ZNF215: variants seen among roughly 807,000 people sequenced by gnomAD.
ZNF215 encodes the protein BWSCR2-associated zinc finger protein 2.
Under a neutral mutation model 27.2 loss-of-function variants are expected in ZNF215, and 24 were observed. That is an observed-to-expected ratio of 0.88 (90% CI 0.64 to 1.24). The LOEUF (loss-of-function observed/expected upper bound fraction) is 1.24, where lower values mean the gene tolerates loss of function less well. Among genes scored for constraint, ZNF215 ranks in the 50% most tolerant of loss-of-function variants. The pLI is 0.00. For synonymous variants in ZNF215, 210 were observed against 204.0 expected (o/e 1.03, Z -0.25); for missense variants, 675 against 605.7 (o/e 1.11, Z -1.20).
chr11:6,943,294 G>T, intron 5 of ZNF215, 79 bp downstream of exon 5: 1 of 1,527,048 alleles, frequency 6.5e-7, no homozygotes, highest in Non-Finnish European at 8.8e-7. Context: ...TGCTGAAGTG[G>T]CTAAGTTCAC....
intron 3 of ZNF215, among the ~76,000 whole-genome samples, chr11:6,936,154 G>T (rs943217733): frequency 2.6e-5 from 4 of 151,824 alleles, no homozygotes; most frequent in African/African-American, 9.7e-5. Flanking sequence ...ATAAATATTA[G>T]AACAAAGATA....
At chr11:6,986,836 A>G (rs2857910), downstream of ZNF215, among the ~76,000 whole-genome samples, 47,314 of 141,930 alleles carry the variant, frequency 0.33, 7,638 homozygotes, top group African/African-American at 0.37. Context: ...TTTTGTTAAA[A>G]AGTCAAAAAC....
At chr11:6,936,027 ACATAC>A (rs1849425122) in intron 3 of ZNF215, among the ~76,000 whole-genome samples, 1 of 152,120 alleles carries the variant, frequency 6.6e-6, no homozygotes, top group Non-Finnish European at 1.5e-5. Flanking sequence ...AAAACTTATG[ACATAC>A]AGTGAAGGCA....
At chr11:6,967,808 C>G (rs894395081) in intron 5 of ZNF215, among the ~76,000 whole-genome samples, 1 of 152,112 alleles carries the variant, frequency 6.6e-6, no homozygotes, top group African/African-American at 2.4e-5. Context: ...CCCAATTTGT[C>G]TATTTTGGCT....
In ZNF215 at chr11:6,956,965, T is replaced by C. The variant is rs1850384518; in HGVS notation, c.*434T>C. On this transcript the variant is annotated 3_prime_UTR_variant, in exon 7 of 7. Coordinates refer to ENST00000278319, the MANE Select transcript of ZNF215 (RefSeq NM_013250.4). Reference sequence around the variant, plus strand: ...AAGAAGGTCACAAGAAATCATTAGCTCATGCGAATATAAGAGAATACTTCT... The same window carrying C: ...AAGAAGGTCACAAGAAATCATTAGCCCATGCGAATATAAGAGAATACTTCT... 1.0e-6 allele frequency: 1 copy of C among 990,142 alleles called. No homozygotes were observed. Among genetic ancestry groups the C allele is most frequent in the Non-Finnish European group, 1.2e-6 (1 of 832,730 alleles). The allele number at this position is 990,142 out of a possible 1,614,324, so 61.3% of individuals were successfully genotyped here.
At chr11:6,990,196 A>G (rs1276619966), downstream of ZNF215, among the ~76,000 whole-genome samples, 1 of 152,138 alleles carries the variant, frequency 6.6e-6, no homozygotes, top group African/African-American at 2.4e-5. Context: ...ATTGGTCTCC[A>G]TGTGTATCAG....
intron 6 of ZNF215, among the ~76,000 whole-genome samples, chr11:6,951,926 A>G (rs1230798351): frequency 6.6e-6 from 1 of 152,096 alleles, no homozygotes; most frequent in Non-Finnish European, 1.5e-5. Flanking sequence ...AGATTCTGGT[A>G]TGTTGTGTCT....
At chr11:6,975,474 T>C (rs1423276434) in intron 5 of ZNF215, among the ~76,000 whole-genome samples, 1 of 150,432 alleles carries the variant, frequency 6.6e-6, no homozygotes, top group African/African-American at 2.4e-5. Context: ...ATTATTCTAT[T>C]TTTTTTTTGT....
rs1030518300 is a variant in ZNF215, at chr11:6,952,768, C to G, written c.713-2922C>G. Among the ~76,000 whole-genome samples, 58 of 152,178 alleles carry G rather than the reference C, an allele frequency of 3.8e-4. 1 individual carries two copies. The highest frequency in any genetic ancestry group is 5.4e-4 in the Non-Finnish European group (37 of 68,014). On this transcript the variant is annotated intron_variant, in intron 6 of 6. Coordinates refer to ENST00000278319, the MANE Select transcript of ZNF215 (RefSeq NM_013250.4). ...TAATATTGTTATGTGTGAGTTTGATCCTATCATTATGATGTTAGCTGGTTA... is the reference window on the plus strand; with the variant it reads ...TAATATTGTTATGTGTGAGTTTGATGCTATCATTATGATGTTAGCTGGTTA...
chr11:6,943,805 C>T (rs1195953739), intron 6 of ZNF215, among the ~76,000 whole-genome samples, 164 bp downstream of exon 6: 1 of 152,128 alleles, frequency 6.6e-6, no homozygotes, highest in South Asian at 2.1e-4. Context: ...GGTTCTTTTT[C>T]TTATGTGGTA....
chr11:6,955,946 G>A lies in ZNF215; in HGVS notation c.969G>A (p.Val323=), dbSNP rs770043330. The change falls in exon 7 of 7, where the codon GTG becomes GTA. Residue 323 remains valine (V), a synonymous_variant. Transcript: ENST00000278319. ...NSVSSICAIQ[V]GIPSRKGSPK... is the part of the protein sequence containing the mutation. ...TTAGCTCAATTTGTGCTATACAAGT[G>A]GGAATTCCTTCAAGAAAGGGGTCTC... The A allele has an allele frequency of 8.1e-6, 13 of 1,612,914 alleles. No homozygotes were observed. The highest frequency in any genetic ancestry group is 1.1e-5 in the South Asian group (1 of 90,672).
chr11:6,978,861 A>C (rs1850886546), intron 5 of ZNF215, among the ~76,000 whole-genome samples: 1 of 152,128 alleles, frequency 6.6e-6, no homozygotes, highest in South Asian at 2.1e-4. Context: ...TATATACTTA[A>C]TTTTAAAACA....
Position 6,956,960 on chromosome 11 carries a change from T to C in ZNF215, c.*429T>C. On this transcript the variant is annotated 3_prime_UTR_variant, in exon 7 of 7. Coordinates refer to ENST00000278319, the MANE Select transcript of ZNF215 (RefSeq NM_013250.4). ...CTTTTAAGAAGGTCACAAGAAATCATTAGCTCATGCGAATATAAGAGAATA... is the reference window on the plus strand; with the variant it reads ...CTTTTAAGAAGGTCACAAGAAATCACTAGCTCATGCGAATATAAGAGAATA... 1.0e-6 allele frequency: 1 copy of C among 990,542 alleles called. No homozygotes were observed. The highest frequency in any genetic ancestry group is 1.1e-4 in the East Asian group (1 of 8,944). The allele number at this position is 990,542 out of a possible 1,614,324, so 61.4% of individuals were successfully genotyped here.
chr11:6,992,651 C>A (rs1320669013), downstream of ZNF215, among the ~76,000 whole-genome samples: 1 of 152,170 alleles, frequency 6.6e-6, no homozygotes. Flanking sequence ...CCAAGGGGCC[C>A]ATAGAATCAA....
intron 6 of ZNF215, among the ~76,000 whole-genome samples, chr11:6,947,895 T>A (rs1849879549): frequency 6.6e-6 from 1 of 152,196 alleles, no homozygotes; most frequent in Non-Finnish European, 1.5e-5. Flanking sequence ...TCTCAGAACT[T>A]AACTGTTCTT....
intron 6 of ZNF215, among the ~76,000 whole-genome samples, chr11:6,952,038 G>A (rs1342868667): frequency 1.1e-4 from 17 of 152,218 alleles, no homozygotes; most frequent in African/African-American, 4.1e-4. Flanking sequence ...ATGTAGTTGA[G>A]TGGTTTTGAG....
At chr11:6,952,140 A>T (rs1274090386) in intron 6 of ZNF215, among the ~76,000 whole-genome samples, 1 of 151,880 alleles carries the variant, frequency 6.6e-6, no homozygotes, top group Non-Finnish European at 1.5e-5. Flanking sequence ...TGCTGAGGAG[A>T]GCTTTACTTC....
At chr11:6,944,442 C>G (rs147513854) in intron 6 of ZNF215, among the ~76,000 whole-genome samples, 57 of 146,050 alleles carry the variant, frequency 3.9e-4, no homozygotes, top group Non-Finnish European at 7.3e-4. Flanking sequence ...TTTCTGGGAA[C>G]GGAGTTCTCA....
intron 5 of ZNF215, among the ~76,000 whole-genome samples, chr11:6,978,842 T>C (rs1279771575): frequency 6.6e-6 from 1 of 152,120 alleles, no homozygotes; most frequent in Non-Finnish European, 1.5e-5. Flanking sequence ...GTGGTTAATA[T>C]AATCCACCTA....
Sources: gnomAD v4.1 joint callset for allele counts (sites outside exome capture counted in the v4.1 genomes callset) on GRCh38, gnomAD v4.1.1 for gene constraint, MANE v1.5 for transcripts, NCBI Gene and HGNC (gene_info 2026-07-23, HGNC 2026-07-21) for gene names.